The following GOLT1B variants were observed in gnomAD, a reference collection of about 807,000 sequenced individuals.
GOLT1B encodes vesicle transport protein GOT1B.
A neutral mutation model predicts 15.4 loss-of-function variants in GOLT1B; 3 were observed. The observed-to-expected ratio is 0.19, with a 90% CI of 0.09 to 0.50. The LOEUF is 0.50. Among genes scored for constraint, GOLT1B ranks in the 20% least tolerant of loss-of-function variants. The probability of loss-of-function intolerance (pLI) is 0.97; values close to 1 mark genes in which losing one functional copy is unlikely to be tolerated. For missense variants in GOLT1B, 145 were observed against 160.4 expected, an observed-to-expected ratio of 0.90 and a Z score of 0.52; for synonymous variants, 65 against 56.2, an observed-to-expected ratio of 1.16 and a Z score of -0.70.
Position 21,517,825 on chromosome 12 carries a change from A to G in GOLT1B, c.*2118A>G, listed in dbSNP as rs575620411. On this transcript the variant is annotated 3_prime_UTR_variant, in exon 5 of 5. Coordinates refer to ENST00000229314, the MANE Select transcript of GOLT1B (RefSeq NM_016072.5). ...TTTCTTATTCAGAACCCTTGATGAG[A>G]CTATTTTTAAACATACTAGTCTGCT... The G allele has an allele frequency of 1.3e-5, 2 of 152,684 alleles. No individual in the cohort carries two copies. Among genetic ancestry groups the G allele is most frequent in the East Asian group, 3.9e-4 (2 of 5,194 alleles). 9.5% of individuals were successfully genotyped at this position (152,684 alleles called of 1,614,324 possible). A position where few individuals can be genotyped will look rare whatever the true frequency, so the allele number is the denominator to read the frequency against.
intron 4 of GOLT1B, 128 bp downstream of exon 4, chr12:21,512,504 A>G: frequency 4.8e-6 from 3 of 626,348 alleles, no homozygotes; most frequent in Non-Finnish European, 5.7e-6. Flanking sequence ...CTTCACATAG[A>G]TCATGAGTAC....
chr12:21,512,233 A>T, intron 3 of GOLT1B, 62 bp from the exon 4 acceptor site: 1 of 835,290 alleles, frequency 1.2e-6, no homozygotes, highest in Admixed American at 2.1e-5. Flanking sequence ...TTCCTTGGTT[A>T]GCAATTATTT....
intron 2 of GOLT1B, 63 bp downstream of exon 2, chr12:21,507,039 T>G (rs16923862): frequency 2.8e-6 from 2 of 709,008 alleles, no homozygotes; most frequent in Non-Finnish European, 2.5e-6. Flanking sequence ...GAATGAATTA[T>G]TATCTGCTAT....
chr12:21,501,807 T>C lies in GOLT1B; in HGVS notation c.-117T>C. The C allele has an allele frequency of 6.7e-6, 5 of 743,050 alleles. No individual in the cohort carries two copies. The highest frequency in any genetic ancestry group is 1.2e-5 in the Non-Finnish European group (5 of 412,170). The allele number at this position is 743,050 out of a possible 1,614,324, so 46.0% of individuals were successfully genotyped here. On this transcript the variant is annotated 5_prime_UTR_variant, in exon 1 of 5. Coordinates refer to ENST00000229314, the MANE Select transcript of GOLT1B (RefSeq NM_016072.5). Reference sequence around the variant, plus strand: ...AAGCGGCAGTGAGGGTGGCTGCGTGTTTCCGGAAGACGTGGCGGCTCTCGC... The same window carrying C: ...AAGCGGCAGTGAGGGTGGCTGCGTGCTTCCGGAAGACGTGGCGGCTCTCGC...
chr12:21,502,146 G>A (rs1437927631), intron 1 of GOLT1B, among the ~76,000 whole-genome samples, 198 bp downstream of exon 1: 3 of 152,324 alleles, frequency 2.0e-5, no homozygotes, highest in South Asian at 2.1e-4. Context: ...ACCTGACCTG[G>A]GAGAAGAGTC....
chr12:21,507,870 A>G, intron 2 of GOLT1B: 1 of 429,896 alleles, frequency 2.3e-6, no homozygotes, highest in Non-Finnish European at 4.6e-6. Flanking sequence ...AATTTATAAA[A>G]CTAGAATCTT....
intron 3 of GOLT1B, among the ~76,000 whole-genome samples, chr12:21,509,451 G>T (rs1943704382): frequency 6.7e-6 from 1 of 149,330 alleles, no homozygotes; most frequent in African/African-American, 2.5e-5. Context: ...TTTAAGTAGG[G>T]TTGAGCTTAA....
At chr12:21,504,356 T>TGA (rs1298544108) in intron 1 of GOLT1B, among the ~76,000 whole-genome samples, 3 of 152,022 alleles carry the variant, frequency 2.0e-5, no homozygotes, top group Admixed American at 6.6e-5. Context: ...ATCCTGGAGG[T>TGA]GAGAAAAAGG....
intron 4 of GOLT1B, among the ~76,000 whole-genome samples, chr12:21,513,156 A>G (rs1196944767): frequency 6.6e-6 from 1 of 151,734 alleles, no homozygotes; most frequent in Admixed American, 6.6e-5. Context: ...AGCTCTGTTT[A>G]CAGTTTGAAC....
chr12:21,506,275 A>G (rs943694411), intron 1 of GOLT1B, among the ~76,000 whole-genome samples: 1 of 152,112 alleles, frequency 6.6e-6, no homozygotes, highest in Non-Finnish European at 1.5e-5. Context: ...ATAAGTAATC[A>G]AGAAATTAAA....
Position 21,508,417 on chromosome 12 carries a change from G to A in GOLT1B, c.152G>A (p.Gly51Asp), listed in dbSNP as rs1230980004. Residue 51 changes from glycine to aspartate, a missense_variant, in exon 3 of 5, where the codon GGT becomes GAT. Transcript: ENST00000229314. The part of the protein sequence containing the change: ...LFVAGLAFVI[G>D]LERTFRFFFQ... ...GTAGCCGGCTTGGCTTTTGTAATTGGTTTAGAAAGAACATTCAGATTCTTC... is the reference window on the plus strand; with the variant it reads ...GTAGCCGGCTTGGCTTTTGTAATTGATTTAGAAAGAACATTCAGATTCTTC... 6.3e-7 allele frequency: 1 copy of A among 1,587,108 alleles called. No homozygotes were observed. The highest frequency in any genetic ancestry group is 8.6e-7 in the Non-Finnish European group (1 of 1,164,806).
At chr12:21,512,965 C>CT (rs906580041) in intron 4 of GOLT1B, among the ~76,000 whole-genome samples, 3 of 150,624 alleles carry the variant, frequency 2.0e-5, no homozygotes, top group African/African-American at 7.3e-5. Flanking sequence ...ACTCGAGAGA[C>CT]TGAGGTGAGA....
Position 21,501,816 on chromosome 12 carries a change from G to A in GOLT1B, c.-108G>A. On this transcript the variant is annotated 5_prime_UTR_variant, in exon 1 of 5. Coordinates refer to ENST00000229314, the MANE Select transcript of GOLT1B (RefSeq NM_016072.5). ...TGAGGGTGGCTGCGTGTTTCCGGAA[G>A]ACGTGGCGGCTCTCGCCTGGGCTGT... 3 of 771,304 alleles carry A rather than the reference G, an allele frequency of 3.9e-6. No individual in the cohort carries two copies. Among genetic ancestry groups the A allele is most frequent in the South Asian group, 1.5e-5 (1 of 68,256 alleles). The allele number at this position is 771,304 out of a possible 1,614,324, so 47.8% of individuals were successfully genotyped here. A position where few individuals can be genotyped will look rare whatever the true frequency, so the allele number is the denominator to read the frequency against.
At chr12:21,510,992 G>A (rs1943715519) in intron 3 of GOLT1B, among the ~76,000 whole-genome samples, 2 of 152,148 alleles carry the variant, frequency 1.3e-5, no homozygotes, top group African/African-American at 4.8e-5. Context: ...TCAGTTAGTT[G>A]TCTGCAACAG....
In GOLT1B at chr12:21,517,997, GTAACAGAAACATAT is replaced by G. The variant is rs775583033; in HGVS notation, c.*2292_*2305del. On this transcript the variant is annotated 3_prime_UTR_variant, in exon 5 of 5. Transcript: ENST00000229314. ...CTGTCATTGTTCAAGTGTATTTTCT[GTAACAGAAACATAT>G]TTGGAATGTTTTTCTTTTCCCCTTA... 1.2e-4 allele frequency: 18 copies of G among 152,500 alleles called. No individual in the cohort carries two copies. The highest frequency in any genetic ancestry group is 1.3e-4 in the Non-Finnish European group (9 of 67,958). The allele number at this position is 152,500 out of a possible 1,614,324, so 9.4% of individuals were successfully genotyped here. A position where few individuals can be genotyped will look rare whatever the true frequency, so the allele number is the denominator to read the frequency against.
intron 2 of GOLT1B, among the ~76,000 whole-genome samples, chr12:21,507,581 G>A (rs1232005427): frequency 6.6e-6 from 1 of 151,346 alleles, no homozygotes; most frequent in Non-Finnish European, 1.5e-5. Context: ...ACTGGAAATG[G>A]GAAAAGATAA....
At chr12:21,513,966 G>A (rs1016257809) in intron 4 of GOLT1B, among the ~76,000 whole-genome samples, 7 of 152,322 alleles carry the variant, frequency 4.6e-5, no homozygotes, top group South Asian at 2.1e-4. Context: ...CTAAGCAAGT[G>A]AGTGAAGGAT....
intron 2 of GOLT1B, 34 bp from the exon 3 acceptor site, chr12:21,508,348 TA>T: frequency 7.7e-7 from 1 of 1,304,770 alleles, no homozygotes; most frequent in Non-Finnish European, 1.1e-6. Context: ...TGTGTTTAAT[TA>T]CCTTTTCCGT....
At chr12:21,512,516 A>G (rs1421813705) in intron 4 of GOLT1B, 140 bp downstream of exon 4, 1 of 565,300 alleles carries the variant, frequency 1.8e-6, no homozygotes, top group African/African-American at 1.9e-5. Flanking sequence ...CATGAGTACC[A>G]TGAAGACCAA....
Sources: allele counts gnomAD v4.1 joint callset (sites outside exome capture counted in the v4.1 genomes callset), GRCh38; gene constraint gnomAD v4.1.1; transcripts MANE v1.5; gene names NCBI Gene and HGNC (gene_info 2026-07-23, HGNC 2026-07-21).